Variants in PTDSS1 observed in about 807,000 individuals in gnomAD.
PTDSS1 encodes the protein PSS-1.
Under a neutral mutation model 70.5 loss-of-function variants are expected in PTDSS1, and 45 were observed. That is an observed-to-expected ratio of 0.64 (90% CI 0.50 to 0.82). The LOEUF (loss-of-function observed/expected upper bound fraction) is 0.82, where lower values mean the gene tolerates loss of function less well. Ranked by LOEUF, PTDSS1 falls within the 40% of genes least tolerant of loss-of-function variation. The pLI, the probability that PTDSS1 is intolerant of heterozygous loss-of-function variation, is 0.00. For synonymous variants in PTDSS1, 188 were observed against 203.8 expected (o/e 0.92, Z 0.66); for missense variants, 417 against 586.1 (o/e 0.71, Z 2.98).
chr8:96,300,515 A>G (rs1343121070), intron 6 of PTDSS1, among the ~76,000 whole-genome samples: 1 of 152,198 alleles, frequency 6.6e-6, no homozygotes, highest in Admixed American at 6.5e-5. Flanking sequence ...CCAGTAGAGG[A>G]CAGTCATACC....
chr8:96,265,874 T>C (rs903909730), intron 1 of PTDSS1, among the ~76,000 whole-genome samples: 8 of 152,240 alleles, frequency 5.3e-5, no homozygotes, highest in African/African-American at 1.9e-4. Context: ...GGAGGATTGC[T>C]TGAGGCCAAG....
chr8:96,284,979 G>A (rs1023221224), intron 3 of PTDSS1, among the ~76,000 whole-genome samples: 1 of 152,244 alleles, frequency 6.6e-6, no homozygotes, highest in Admixed American at 6.5e-5. Flanking sequence ...GGCCACCAGG[G>A]AAGGCCAGAC....
chr8:96,306,038 C>T (rs1288803794), intron 7 of PTDSS1, among the ~76,000 whole-genome samples: 1 of 152,164 alleles, frequency 6.6e-6, no homozygotes, highest in Non-Finnish European at 1.5e-5. Context: ...TTCTGTTAGA[C>T]CTGGCCTGAT....
chr8:96,265,415 C>G (rs1810472157), intron 1 of PTDSS1, among the ~76,000 whole-genome samples: 1 of 152,108 alleles, frequency 6.6e-6, no homozygotes, highest in Non-Finnish European at 1.5e-5. Flanking sequence ...TCAAGTAGTT[C>G]TTTTGTTAGA....
chr8:96,303,898 G>C, intron 6 of PTDSS1, 142 bp from the exon 7 acceptor site: 1 of 931,560 alleles, frequency 1.1e-6, no homozygotes. Context: ...AGAGACCTTT[G>C]AGACACAATT....
chr8:96,266,554 G>A (rs1360690943), intron 1 of PTDSS1, among the ~76,000 whole-genome samples: 1 of 152,172 alleles, frequency 6.6e-6, no homozygotes, highest in African/African-American at 2.4e-5. Context: ...ATTCCCATTA[G>A]AAAATGTCCC....
chr8:96,277,230 C>T (rs1810661578), intron 2 of PTDSS1, among the ~76,000 whole-genome samples: 1 of 152,210 alleles, frequency 6.6e-6, no homozygotes, highest in Admixed American at 6.5e-5. Context: ...TCATACCTTA[C>T]CTAAGAGTAG....
chr8:96,318,163 A>G (rs1045052402), intron 9 of PTDSS1, among the ~76,000 whole-genome samples: 1 of 151,958 alleles, frequency 6.6e-6, no homozygotes. Flanking sequence ...CGCCTCTACT[A>G]AAAATACAAA....
chr8:96,323,801 C>G (rs1481791406), intron 10 of PTDSS1, among the ~76,000 whole-genome samples: 2 of 152,228 alleles, frequency 1.3e-5, no homozygotes, highest in Non-Finnish European at 2.9e-5. Flanking sequence ...TTAACAGCCA[C>G]GTGGCCCCAC....
At chr8:96,303,981 G>T in intron 6 of PTDSS1, 59 bp from the exon 7 acceptor site, 8 of 1,511,918 alleles carry the variant, frequency 5.3e-6, no homozygotes, top group Admixed American at 2.2e-5. Context: ...TTTTTCTTGT[G>T]CTTTGTTTTC....
At chr8:96,299,615 G>A in intron 5 of PTDSS1, 79 bp from the exon 6 acceptor site, 1 of 1,389,470 alleles carries the variant, frequency 7.2e-7, no homozygotes, top group East Asian at 2.4e-5. Context: ...ATAATGTATT[G>A]TTAAAAAGGA....
In PTDSS1 at chr8:96,262,263, GAA is replaced by G; in HGVS notation, c.179+45_179+46del. On this transcript the variant is annotated intron_variant, in intron 1 of 12. Coordinates refer to ENST00000517309, the MANE Select transcript of PTDSS1 (RefSeq NM_014754.3). The surrounding 1 kb of genome is among the most constrained non-coding windows in gnomAD (Gnocchi z 4.4). ...GCGGGGGGCGCGTCCAAGGGCTAGGGAAGAGGCGGGAGGGAGGGTGGCGGGGA... is the reference window on the plus strand; with the variant it reads ...GCGGGGGGCGCGTCCAAGGGCTAGGGGAGGCGGGAGGGAGGGTGGCGGGGA... 1.3e-6 allele frequency: 1 copy of G among 763,954 alleles called. No individual in the cohort carries two copies. Among genetic ancestry groups the G allele is most frequent in the Non-Finnish European group, 2.1e-6 (1 of 481,270 alleles). 47.3% of individuals were successfully genotyped at this position (763,954 alleles called of 1,614,324 possible).
intron 2 of PTDSS1, among the ~76,000 whole-genome samples, chr8:96,282,408 T>C (rs1810751488): frequency 1.3e-5 from 2 of 152,234 alleles, no homozygotes; most frequent in Non-Finnish European, 2.9e-5. Context: ...TGAAAAGGAA[T>C]ATAGGTAGTC....
Position 96,292,289 on chromosome 8 carries a change from CAAAA to C in PTDSS1, c.442-2791_442-2788del, listed in dbSNP as rs34282078. 2.4e-4 allele frequency among the ~76,000 whole-genome samples: 21 copies of C among 87,854 alleles called. No homozygotes were observed. The South Asian group carries it at 3.0e-3, about 13-fold the overall frequency. The allele number at this position is 87,854 out of a possible 152,430, so 57.6% of individuals were successfully genotyped here. A position where few individuals can be genotyped will look rare whatever the true frequency, so the allele number is the denominator to read the frequency against. ...CGCTCCAGCCTAGGCAACGCTGTCTCAAAAAAAAAAAAAAAAAAAAAGAAAAGAA... is the reference window on the plus strand; with the variant it reads ...CGCTCCAGCCTAGGCAACGCTGTCTCAAAAAAAAAAAAAAAAAGAAAAGAA... On this transcript the variant is annotated intron_variant, in intron 4 of 12. Transcript: ENST00000517309.
At chr8:96,318,773 T>C (rs1392936072) in intron 9 of PTDSS1, among the ~76,000 whole-genome samples, 1 of 152,200 alleles carries the variant, frequency 6.6e-6, no homozygotes, top group Non-Finnish European at 1.5e-5. Context: ...TCTGCTTTGC[T>C]GAAGTGGTTC....
chr8:96,324,596 G>C (rs1324906819), intron 10 of PTDSS1, among the ~76,000 whole-genome samples: 3 of 152,232 alleles, frequency 2.0e-5, no homozygotes, highest in Non-Finnish European at 4.4e-5. Flanking sequence ...ACCAGACAGA[G>C]AGGGAAGTGC....
At chr8:96,300,926 T>C (rs1811041419) in intron 6 of PTDSS1, among the ~76,000 whole-genome samples, 2 of 152,172 alleles carry the variant, frequency 1.3e-5, no homozygotes, top group African/African-American at 4.8e-5. Flanking sequence ...ATCTCACCTA[T>C]AATATATATG....
intron 8 of PTDSS1, among the ~76,000 whole-genome samples, chr8:96,308,929 A>G (rs968492209): frequency 2.0e-5 from 3 of 152,084 alleles, no homozygotes; most frequent in African/African-American, 7.2e-5. Flanking sequence ...AGTCATTGGC[A>G]TTCAATGGCA....
At chr8:96,266,075 G>T (rs1033636231) in intron 1 of PTDSS1, among the ~76,000 whole-genome samples, 1 of 152,176 alleles carries the variant, frequency 6.6e-6, no homozygotes, top group Non-Finnish European at 1.5e-5. Flanking sequence ...CTGCATTCAG[G>T]GGTTGGTAAA....
Sources: allele counts gnomAD v4.1 joint callset (sites outside exome capture counted in the v4.1 genomes callset), GRCh38; gene constraint gnomAD v4.1.1; non-coding constraint Gnocchi (gnomAD v3.1); transcripts MANE v1.5; gene names NCBI Gene and HGNC (gene_info 2026-07-23, HGNC 2026-07-21).